NFIB: variants seen among roughly 807,000 people sequenced by gnomAD.
The protein encoded by NFIB is nuclear factor 1 B-type.
A neutral mutation model predicts 61.5 loss-of-function variants in NFIB; 11 were observed. That is an observed-to-expected ratio of 0.18 (90% CI 0.11 to 0.30). The LOEUF is 0.30. NFIB is among the 10% of genes least tolerant of loss of function. The pLI, the probability that NFIB is intolerant of heterozygous loss-of-function variation, is 1.00. For synonymous variants in NFIB, 260 were observed against 216.5 expected (o/e 1.20, Z -1.76); for missense variants, 471 against 608.9 (o/e 0.77, Z 2.38).
chr9:14,500,823 C>T, the NFIB span, among the ~76,000 whole-genome samples: 2 of 152,152 alleles, frequency 1.3e-5, no homozygotes, highest in Non-Finnish European at 2.9e-5. Flanking sequence ...CACAGCGAAT[C>T]TACATGGTGT....
the NFIB span, among the ~76,000 whole-genome samples, chr9:14,429,094 C>G: frequency 1.3e-5 from 2 of 152,110 alleles, no homozygotes; most frequent in African/African-American, 2.4e-5. Context: ...AATGACAGAG[C>G]TTAGGTGAAG....
chr9:14,347,167 AT>A (rs2061035468), intron 1 of NFIB, among the ~76,000 whole-genome samples: 1 of 145,088 alleles, frequency 6.9e-6, no homozygotes, highest in South Asian at 2.2e-4. Flanking sequence ...AAAAAAAAAA[AT>A]CTTAAAAAAG....
chr9:14,511,118 G>C, the NFIB span, among the ~76,000 whole-genome samples: 6 of 152,014 alleles, frequency 3.9e-5, no homozygotes, highest in Non-Finnish European at 8.8e-5. Flanking sequence ...TGTTATACTT[G>C]CCAATTTATA....
intron 4 of NFIB, 149 bp from the exon 5 acceptor site, chr9:14,150,414 G>T: frequency 1.5e-6 from 2 of 1,345,326 alleles, no homozygotes; most frequent in South Asian, 1.4e-5. Flanking sequence ...ATACAACCTG[G>T]GTAGGACCTG....
chr9:14,173,671 G>A (rs1020596154), intron 3 of NFIB, among the ~76,000 whole-genome samples: 7 of 152,074 alleles, frequency 4.6e-5, no homozygotes, highest in Non-Finnish European at 2.9e-5. Context: ...TTACACAAGG[G>A]CAAATGGCTG....
At chr9:14,288,619 T>C (rs1172147305) in intron 2 of NFIB, among the ~76,000 whole-genome samples, 1 of 152,100 alleles carries the variant, frequency 6.6e-6, no homozygotes, top group African/African-American at 2.4e-5. Flanking sequence ...GACCTTTCCA[T>C]TGCAGTCACA....
intron 1 of NFIB, among the ~76,000 whole-genome samples, chr9:14,356,979 A>G (rs935034179): frequency 1.3e-5 from 2 of 152,304 alleles, no homozygotes; most frequent in East Asian, 1.9e-4. Context: ...TTCTAGTTCT[A>G]TTTCTGCTCA....
At chr9:14,312,228 T>C (rs756385608) in intron 1 of NFIB, among the ~76,000 whole-genome samples, 1 of 152,264 alleles carries the variant, frequency 6.6e-6, no homozygotes, top group African/African-American at 2.4e-5. Context: ...AATTTATGAA[T>C]GCCTCAGTCC....
At chr9:14,164,471 T>C (rs991274565) in intron 3 of NFIB, among the ~76,000 whole-genome samples, 2 of 152,002 alleles carry the variant, frequency 1.3e-5, no homozygotes, top group Admixed American at 1.3e-4. Context: ...TCTAAACATA[T>C]CTGAACATAG....
At chr9:14,360,360 C>T (rs2061224281) in intron 1 of NFIB, among the ~76,000 whole-genome samples, 1 of 152,050 alleles carries the variant, frequency 6.6e-6, no homozygotes, top group African/African-American at 2.4e-5. Flanking sequence ...TATAATTTTC[C>T]GAACAGTTCT....
intron 2 of NFIB, among the ~76,000 whole-genome samples, chr9:14,298,586 A>G (rs1422650626): frequency 6.6e-6 from 1 of 152,138 alleles, no homozygotes; most frequent in Non-Finnish European, 1.5e-5. Context: ...TCAGCAAACA[A>G]AAGAAAGTCA....
chr9:14,229,549 A>T (rs947534628), intron 2 of NFIB, among the ~76,000 whole-genome samples: 9 of 152,238 alleles, frequency 5.9e-5, no homozygotes, highest in Non-Finnish European at 1.2e-4. Context: ...ATGTATGTAA[A>T]GTTTGTGGCA....
At chr9:14,323,609 T>G (rs1241637454) in intron 1 of NFIB, among the ~76,000 whole-genome samples, 1 of 152,226 alleles carries the variant, frequency 6.6e-6, no homozygotes, top group Non-Finnish European at 1.5e-5. Flanking sequence ...AGGTATTCTC[T>G]AAAAACCCTG....
intron 10 of NFIB, among the ~76,000 whole-genome samples, chr9:14,089,283 G>A: frequency 6.6e-6 from 1 of 151,712 alleles, no homozygotes. Context: ...TGGGGGTTGG[G>A]GGTGTTGGAG....
At chr9:14,477,005 T>C in the NFIB span, among the ~76,000 whole-genome samples, 1 of 152,234 alleles carries the variant, frequency 6.6e-6, no homozygotes, top group East Asian at 1.9e-4. Flanking sequence ...TTTAAATAAA[T>C]ACCAGAATAT....
intron 2 of NFIB, among the ~76,000 whole-genome samples, chr9:14,211,867 A>C: frequency 6.6e-6 from 1 of 152,240 alleles, no homozygotes; most frequent in East Asian, 1.9e-4. Flanking sequence ...ACACTTTAGA[A>C]AGCTCTTCAG....
chr9:14,452,222 A>G, the NFIB span, among the ~76,000 whole-genome samples: 6 of 152,164 alleles, frequency 3.9e-5, no homozygotes, highest in Non-Finnish European at 7.3e-5. Context: ...GAGGGGTGGT[A>G]CAGTTAGAGG....
At chr9:14,421,255 G>T in the NFIB span, among the ~76,000 whole-genome samples, 1 of 152,046 alleles carries the variant, frequency 6.6e-6, no homozygotes, top group Non-Finnish European at 1.5e-5. Flanking sequence ...TAATTGAAAT[G>T]AACATCTATT....
chr9:14,428,035 C>T, the NFIB span, among the ~76,000 whole-genome samples: 1 of 145,136 alleles, frequency 6.9e-6, no homozygotes, highest in South Asian at 2.3e-4. Flanking sequence ...GCCTCGACCT[C>T]CCCAGGCTCA....
Sources: gnomAD v4.1 joint callset for allele counts (sites outside exome capture counted in the v4.1 genomes callset) on GRCh38, gnomAD v4.1.1 for gene constraint, MANE v1.5 for transcripts, NCBI Gene and HGNC (gene_info 2026-07-23, HGNC 2026-07-21) for gene names.